Variants in TCF12 observed in about 807,000 individuals in gnomAD.
The protein encoded by TCF12 is DNA-binding protein HTF4.
A neutral mutation model predicts 86.0 loss-of-function variants in TCF12; 45 were observed. That is an observed-to-expected ratio of 0.52 (90% CI 0.41 to 0.67). The LOEUF is 0.67. Ranked by LOEUF, TCF12 falls within the 30% of genes least tolerant of loss-of-function variation. TCF12 has a pLI of 0.00. For synonymous variants in TCF12, 330 were observed against 299.6 expected (o/e 1.10, Z -1.05); for missense variants, 881 against 859.9 (o/e 1.02, Z -0.31).
chr15:57,205,242 G>T lies in TCF12; in HGVS notation c.579+7417G>T, dbSNP rs2057754092. The stretch of plus-strand genomic sequence containing the variant: ...TGCTTGAACCCTAGAGGTTGAGATT[G>T]CAGTGAGCCAGGATCACGCCACTGC... On this transcript the variant is annotated intron_variant, in intron 8 of 20. Transcript: ENST00000333725. 3.3e-5 allele frequency among the ~76,000 whole-genome samples: 5 copies of T among 152,222 alleles called. No individual in the cohort carries two copies. In the South Asian group the frequency reaches 1.0e-3, roughly 32 times the overall value.
At chr15:57,098,887 TC>T (rs1555504972) in intron 5 of TCF12, among the ~76,000 whole-genome samples, 10 of 152,182 alleles carry the variant, frequency 6.6e-5, no homozygotes, top group Non-Finnish European at 1.2e-4. Context: ...TGCAAATGTT[TC>T]GTTGAAAGAA....
intron 4 of TCF12, among the ~76,000 whole-genome samples, chr15:57,079,576 C>G (rs2070446736): frequency 6.6e-6 from 1 of 152,136 alleles, no homozygotes; most frequent in Admixed American, 6.5e-5. Flanking sequence ...TATCTGGACA[C>G]ACAAATAACC....
chr15:56,997,842 GGTGGGTTAAAA>G (rs2141019453), intron 3 of TCF12, among the ~76,000 whole-genome samples: 1 of 152,236 alleles, frequency 6.6e-6, no homozygotes, highest in African/African-American at 2.4e-5. Flanking sequence ...ATATGGTATA[GGTGGGTTAAAA>G]GTGAAAAGAT....
At chr15:57,121,495 A>T (rs1177315599) in intron 5 of TCF12, among the ~76,000 whole-genome samples, 1 of 152,222 alleles carries the variant, frequency 6.6e-6, no homozygotes, top group African/African-American at 2.4e-5. Flanking sequence ...CACTATCATA[A>T]ATAGGATTAA....
chr15:57,200,118 T>C (rs2151755544), intron 8 of TCF12, among the ~76,000 whole-genome samples: 1 of 150,836 alleles, frequency 6.6e-6, no homozygotes, highest in South Asian at 2.1e-4. Context: ...CTGGGCTCTG[T>C]GCTTCTCCTG....
chr15:57,250,690 G>T (rs925643536), intron 13 of TCF12, among the ~76,000 whole-genome samples: 2 of 151,148 alleles, frequency 1.3e-5, no homozygotes, highest in African/African-American at 2.4e-5. Flanking sequence ...GATTGTACCA[G>T]TGCACTCCAG....
At chr15:57,096,087 A>AT (rs1170773097) in intron 5 of TCF12, among the ~76,000 whole-genome samples, 3 of 152,056 alleles carry the variant, frequency 2.0e-5, no homozygotes, top group East Asian at 3.9e-4. Flanking sequence ...CATAGCTCAG[A>AT]TTTTTTACTA....
At chr15:57,196,288 G>C (rs543289571) in intron 7 of TCF12, among the ~76,000 whole-genome samples, 10 of 152,194 alleles carry the variant, frequency 6.6e-5, no homozygotes, top group Admixed American at 2.0e-4. Context: ...CATAGTATTA[G>C]GTATTATACA....
chr15:57,266,258 A>G (rs1368314545), intron 18 of TCF12, among the ~76,000 whole-genome samples: 17 of 151,868 alleles, frequency 1.1e-4, no homozygotes, highest in African/African-American at 4.1e-4. Context: ...TTGTATTTTT[A>G]ATAGAGACAA....
chr15:56,980,409 T>C (rs1421853703), intron 3 of TCF12, among the ~76,000 whole-genome samples: 5 of 152,106 alleles, frequency 3.3e-5, no homozygotes, highest in African/African-American at 1.2e-4. Flanking sequence ...CTCTGCCGTG[T>C]AAGAATCCGG....
At chr15:57,203,638 G>A (rs1285798498) in intron 8 of TCF12, among the ~76,000 whole-genome samples, 7 of 152,238 alleles carry the variant, frequency 4.6e-5, no homozygotes, top group African/African-American at 1.7e-4. Context: ...GTAGCCTGAT[G>A]ACATGATTGT....
intron 5 of TCF12, among the ~76,000 whole-genome samples, chr15:57,154,720 T>C (rs920206004): frequency 2.6e-5 from 4 of 152,176 alleles, no homozygotes; most frequent in Non-Finnish European, 4.4e-5. Flanking sequence ...TAAATTTTAA[T>C]GAAATGAAAG....
chr15:56,955,945 T>C (rs1595845447), intron 3 of TCF12, among the ~76,000 whole-genome samples: 1 of 152,208 alleles, frequency 6.6e-6, no homozygotes, highest in South Asian at 2.1e-4. Flanking sequence ...AGTAGTATTA[T>C]ATGTACTCTT....
intron 5 of TCF12, among the ~76,000 whole-genome samples, chr15:57,105,600 C>G (rs1179844063): frequency 6.6e-6 from 1 of 151,182 alleles, no homozygotes; most frequent in Non-Finnish European, 1.5e-5. Context: ...TTAGTAGATA[C>G]AGGGGTTCAC....
chr15:57,075,804 T>TTCTTTCTTTCTCTCTCTCTCTCTCTC (rs1461514777), intron 4 of TCF12, among the ~76,000 whole-genome samples: 11 of 28,590 alleles, frequency 3.8e-4, no homozygotes, highest in South Asian at 2.1e-3. Context: ...CTTTCTTTCT[T>TTCTTTCTTTCTCTCTCTCTCTCTCTC]TCTCTCTCTC....
At chr15:57,054,143 G>A (rs182902298) in intron 3 of TCF12, among the ~76,000 whole-genome samples, 129 of 152,322 alleles carry the variant, frequency 8.5e-4, no homozygotes, top group Middle Eastern at 3.4e-3. Flanking sequence ...GAGAGGCAGA[G>A]TGTGTTGTCA....
At chr15:57,133,404 A>G (rs984386463) in intron 5 of TCF12, among the ~76,000 whole-genome samples, 1 of 152,208 alleles carries the variant, frequency 6.6e-6, no homozygotes, top group Non-Finnish European at 1.5e-5. Flanking sequence ...AGTGAATGAA[A>G]TGATGTGTGA....
In TCF12 at chr15:56,950,496, G is replaced by A. The variant is rs2061216229; in HGVS notation, c.148+29398G>A. ...CTGCCTTGGCCTCCCAAAGTGCTGG[G>A]ATTACAGGCGTGAGCCACTGCGCCT... On this transcript the variant is annotated intron_variant, in intron 3 of 20. Coordinates refer to ENST00000333725, the MANE Select transcript of TCF12 (RefSeq NM_207037.2). 2.0e-5 allele frequency among the ~76,000 whole-genome samples: 3 copies of A among 152,230 alleles called. No homozygotes were observed. In the South Asian group the frequency reaches 6.2e-4, roughly 32 times the overall value.
intron 6 of TCF12, among the ~76,000 whole-genome samples, chr15:57,170,705 A>ATATATT (rs1491151079): frequency 2.7e-5 from 1 of 36,770 alleles, no homozygotes; most frequent in African/African-American, 2.1e-4. Context: ...TATTATATAT[A>ATATATT]ATATATAATA....
Sources: gnomAD v4.1 joint callset for allele counts (sites outside exome capture counted in the v4.1 genomes callset) on GRCh38, gnomAD v4.1.1 for gene constraint, MANE v1.5 for transcripts, NCBI Gene and HGNC (gene_info 2026-07-23, HGNC 2026-07-21) for gene names.